The following REC114 variants were observed in gnomAD, a reference collection of about 807,000 sequenced individuals.
The protein encoded by REC114 is REC114 meiotic recombination protein.
A neutral mutation model predicts 31.3 loss-of-function variants in REC114; 27 were observed. The ratio of observed to expected loss-of-function variants is 0.86; its 90% CI spans 0.64 to 1.19. The LOEUF (loss-of-function observed/expected upper bound fraction) is 1.19. Ranked by LOEUF, REC114 falls within the 50% of genes most tolerant of loss-of-function variation. The probability of loss-of-function intolerance (pLI) is 0.00; values close to 1 mark genes in which losing one functional copy is unlikely to be tolerated. For synonymous variants in REC114, 134 were observed against 127.7 expected (o/e 1.05, Z -0.33); for missense variants, 344 against 326.9 (o/e 1.05, Z -0.40).
chr15:73,460,249 CTG>C (rs1733347955), intron 1 of REC114, among the ~76,000 whole-genome samples: 1 of 152,088 alleles, frequency 6.6e-6, no homozygotes, highest in African/African-American at 2.4e-5. Flanking sequence ...GGACAAATAA[CTG>C]AAGTTTTTTT....
At chr15:73,493,048 A>G (rs2141303821) in intron 2 of REC114, among the ~76,000 whole-genome samples, 2 of 150,800 alleles carry the variant, frequency 1.3e-5, no homozygotes, top group South Asian at 4.2e-4. Context: ...ACAGAGTCTC[A>G]CTCTGACACT....
intron 2 of REC114, chr15:73,483,307 GT>G: frequency 6.4e-6 from 1 of 155,786 alleles, no homozygotes; most frequent in Non-Finnish European, 1.4e-5. Flanking sequence ...TTTAAAGGCT[GT>G]TTTTGCTTCT....
intron 5 of REC114, among the ~76,000 whole-genome samples, chr15:73,556,729 G>A (rs545749623): frequency 9.9e-5 from 15 of 152,284 alleles, no homozygotes; most frequent in Admixed American, 6.5e-4. Flanking sequence ...TGTAATTATG[G>A]AAATGAAATT....
chr15:73,550,232 TAC>T (rs1894369052), intron 3 of REC114, among the ~76,000 whole-genome samples: 1 of 152,224 alleles, frequency 6.6e-6, no homozygotes, highest in Admixed American at 6.5e-5. Context: ...TAGATGTTTT[TAC>T]ACTTAGATGT....
chr15:73,535,205 A>G (rs1894138225), intron 2 of REC114, among the ~76,000 whole-genome samples: 2 of 149,308 alleles, frequency 1.3e-5, no homozygotes, highest in African/African-American at 5.1e-5. Context: ...GAAGGAAATA[A>G]AGGGTATTCA....
chr15:73,450,853 A>G (rs1046255300), intron 1 of REC114, among the ~76,000 whole-genome samples: 1 of 152,234 alleles, frequency 6.6e-6, no homozygotes, highest in Non-Finnish European at 1.5e-5. Context: ...GCACAACTAC[A>G]TGGAAACTGA....
intron 2 of REC114, among the ~76,000 whole-genome samples, chr15:73,536,804 T>C (rs946337998): frequency 8.5e-5 from 13 of 152,204 alleles, no homozygotes; most frequent in African/African-American, 3.1e-4. Flanking sequence ...GTAATAGATT[T>C]GTGGTCATCA....
chr15:73,447,362 C>T lies in REC114; in HGVS notation c.159+4018C>T, dbSNP rs140240408. 4.3e-3 allele frequency among the ~76,000 whole-genome samples: 656 copies of T among 152,200 alleles called. 7 individuals are homozygous for T. Among genetic ancestry groups the T allele is most frequent in the African/African-American group, 0.015 (624 of 41,502 alleles). On this transcript the variant is annotated intron_variant, in intron 1 of 5. Coordinates refer to ENST00000331090, the MANE Select transcript of REC114 (RefSeq NM_001042367.2). ...GGTGAGATTCGGGACCAAGCTTAAA[C>T]GTAATCCAACATTTGTAAGTTGGGT... is the stretch of plus-strand genomic sequence containing the variant.
chr15:73,483,828 A>C (rs954771263), intron 2 of REC114: 1 of 152,336 alleles, frequency 6.6e-6, no homozygotes, highest in Non-Finnish European at 1.5e-5. Flanking sequence ...AGGAGACTGC[A>C]GGCCCCTTCA....
chr15:73,449,465 G>A lies in REC114; in HGVS notation c.159+6121G>A, dbSNP rs144089554. 1.2e-3 allele frequency among the ~76,000 whole-genome samples: 187 copies of A among 152,172 alleles called. 6 individuals are homozygous for A. The East Asian group carries it at 0.029, about 24-fold the overall frequency. ...GTTAGAGAAAAGAGTGAAAAGAAAC[G>A]AACAAAGCCTCCAAGAAATATGGGA... On this transcript the variant is annotated intron_variant, in intron 1 of 5. Coordinates refer to ENST00000331090, the MANE Select transcript of REC114 (RefSeq NM_001042367.2).
chr15:73,470,958 A>C (rs1893125488), intron 1 of REC114, among the ~76,000 whole-genome samples: 1 of 152,174 alleles, frequency 6.6e-6, no homozygotes. Flanking sequence ...GGCTGATGAG[A>C]GTGCACAGTA....
Position 73,550,964 on chromosome 15 carries a change from G to T in REC114, c.360G>T (p.Gln120His). Residue 120 changes from glutamine (Q) to histidine (H), a missense_variant, in exon 4 of 6, where the codon CAG (glutamine) becomes CAT (histidine). Coordinates refer to ENST00000331090, the MANE Select transcript of REC114 (RefSeq NM_001042367.2). ...ACAAGAGTCGCCTGTTTCGAGTACA[G>T]TTCAGTGGAGAGTCAAAGGAGCAGG... is the stretch of plus-strand genomic sequence containing the variant. The part of the protein sequence containing the change: ...IKDKSRLFRV[Q>H]FSGESKEQAL... The T allele has an allele frequency of 1.2e-6, 2 of 1,613,926 alleles. No homozygotes were observed. Among genetic ancestry groups the T allele is most frequent in the Non-Finnish European group, 1.7e-6 (2 of 1,179,836 alleles).
chr15:73,480,368 A>T (rs906426960), intron 2 of REC114, among the ~76,000 whole-genome samples: 3 of 151,550 alleles, frequency 2.0e-5, no homozygotes, highest in Non-Finnish European at 4.4e-5. Context: ...AAATTTTTAA[A>T]TTTTATAATA....
intron 1 of REC114, among the ~76,000 whole-genome samples, chr15:73,448,378 A>T (rs1892797833): frequency 6.6e-6 from 1 of 152,182 alleles, no homozygotes; most frequent in Non-Finnish European, 1.5e-5. Flanking sequence ...AAACAAAGCC[A>T]CCAGGAAGTT....
chr15:73,455,135 AAAGAG>A (rs1426562929), intron 1 of REC114, among the ~76,000 whole-genome samples: 3 of 152,102 alleles, frequency 2.0e-5, no homozygotes, highest in African/African-American at 7.2e-5. Context: ...GGAAAAAACG[AAAGAG>A]AAAACAAGAT....
chr15:73,485,612 C>T (rs573231532), intron 2 of REC114, among the ~76,000 whole-genome samples: 7 of 152,228 alleles, frequency 4.6e-5, no homozygotes, highest in African/African-American at 1.4e-4. Flanking sequence ...AAGTGTGTGG[C>T]GCTTGCTCAC....
chr15:73,515,144 C>T (rs567219250), intron 2 of REC114, among the ~76,000 whole-genome samples: 3 of 152,052 alleles, frequency 2.0e-5, no homozygotes, highest in Non-Finnish European at 2.9e-5. Context: ...GTTGCCCAGG[C>T]TAGTCTCAAA....
intron 1 of REC114, among the ~76,000 whole-genome samples, chr15:73,464,005 ACTT>A (rs769083300): frequency 9.2e-5 from 14 of 151,934 alleles, no homozygotes; most frequent in Admixed American, 2.6e-4. Context: ...CTTCAGTCTC[ACTT>A]CTTTCTGCAG....
At chr15:73,535,875 A>C (rs1271325395) in intron 2 of REC114, among the ~76,000 whole-genome samples, 7 of 151,834 alleles carry the variant, frequency 4.6e-5, no homozygotes, top group South Asian at 2.1e-4. Context: ...AACACCGCAT[A>C]TCTACAACTA....
Sources: gnomAD v4.1 joint callset for allele counts (sites outside exome capture counted in the v4.1 genomes callset) on GRCh38, gnomAD v4.1.1 for gene constraint, MANE v1.5 for transcripts, NCBI Gene and HGNC (gene_info 2026-07-23, HGNC 2026-07-21) for gene names.